CRYBG3: variants seen among roughly 807,000 people sequenced by gnomAD.
The protein encoded by CRYBG3 is crystallin beta-gamma domain containing 3, also known as very large A-kinase anchor protein.
A neutral mutation model predicts 244.2 loss-of-function variants in CRYBG3; 127 were observed. That is an observed-to-expected ratio of 0.52 (90% CI 0.45 to 0.60). The LOEUF is 0.60. Ranked by LOEUF, CRYBG3 falls within the 20% of genes least tolerant of loss-of-function variation. The probability of loss-of-function intolerance (pLI) is 0.00; values close to 1 mark genes in which losing one functional copy is unlikely to be tolerated. For missense variants in CRYBG3, 3,325 were observed against 3,442.5 expected, an observed-to-expected ratio of 0.97 and a Z score of 0.85; for synonymous variants, 1,132 against 1,195.8, an observed-to-expected ratio of 0.95 and a Z score of 1.10.
At chr3:97,915,583 T>C (rs376673971) in intron 16 of CRYBG3, 27 bp from the exon 17 acceptor site, 1 of 1,594,696 alleles carries the variant, frequency 6.3e-7, no homozygotes, top group Non-Finnish European at 8.6e-7. Flanking sequence ...TGCAATTTGA[T>C]TGAATGTCTT....
At chr3:97,890,903 C>T (rs989228533) in intron 10 of CRYBG3, among the ~76,000 whole-genome samples, 1 of 152,148 alleles carries the variant, frequency 6.6e-6, no homozygotes, top group Non-Finnish European at 1.5e-5. Flanking sequence ...AGGAGAAATA[C>T]TATTCCAATC....
chr3:97,834,730 T>C (rs950804893), intron 1 of CRYBG3, among the ~76,000 whole-genome samples: 2 of 152,172 alleles, frequency 1.3e-5, no homozygotes, highest in African/African-American at 2.4e-5. Context: ...TTTTTGGCAA[T>C]GTTGCATATA....
chr3:97,831,085 T>C (rs1340448138), intron 1 of CRYBG3, among the ~76,000 whole-genome samples: 2 of 152,016 alleles, frequency 1.3e-5, no homozygotes, highest in East Asian at 3.9e-4. Context: ...GGGGAAAAAA[T>C]TGATTACCAA....
chr3:97,902,100 G>T (rs550279958), intron 15 of CRYBG3, among the ~76,000 whole-genome samples: 2 of 152,242 alleles, frequency 1.3e-5, no homozygotes, highest in African/African-American at 4.8e-5. Context: ...TCAATAACTA[G>T]AAAGTATTTT....
chr3:97,892,199 G>A (rs1048745979), intron 10 of CRYBG3, among the ~76,000 whole-genome samples: 4 of 152,086 alleles, frequency 2.6e-5, no homozygotes, highest in Non-Finnish European at 5.9e-5. Context: ...GGAGCATAAC[G>A]GTCTTGGTAC....
At position 97,873,936 on chromosome 3, in the gene CRYBG3, T is replaced by A. The variant is rs1371062336; in HGVS notation, c.2742T>A (p.Ala914=). ...KENCQAELSP[A]ASKYEDKPEP... ...ATTGCCAAGCTGAGCTTTCTCCTGC[T>A]GCCTCCAAATATGAAGATAAGCCAG... The change falls in exon 4 of 22, where the codon GCT becomes GCA. Residue 914 remains alanine (A), a synonymous_variant. Coordinates refer to ENST00000389622, the MANE Select transcript of CRYBG3 (RefSeq NM_153605.4). 1 of 1,535,800 alleles carries A rather than the reference T, an allele frequency of 6.5e-7. No homozygotes were observed. The highest frequency in any genetic ancestry group is 1.4e-5 in the African/African-American group (1 of 73,044).
Position 97,838,601 on chromosome 3 carries a change from C to T in CRYBG3, c.150-4594C>T, listed in dbSNP as rs2038768857. ...AGTTCTGAAAGAATGAGGGCAAGGACCTTGTCTGGTTTGTACATTGTGCAA... is the reference window on the plus strand; with the variant it reads ...AGTTCTGAAAGAATGAGGGCAAGGATCTTGTCTGGTTTGTACATTGTGCAA... On this transcript the variant is annotated intron_variant, in intron 1 of 21. Coordinates refer to ENST00000389622, the MANE Select transcript of CRYBG3 (RefSeq NM_153605.4). Among the ~76,000 whole-genome samples, 3 of 152,014 alleles carry T rather than the reference C, an allele frequency of 2.0e-5. No individual in the cohort carries two copies. In the South Asian group the frequency reaches 6.2e-4, roughly 31 times the overall value.
chr3:97,822,020 A>G lies in CRYBG3; in HGVS notation c.-187A>G, dbSNP rs947460712. 1.2e-5 allele frequency: 5 copies of G among 423,198 alleles called. No individual in the cohort carries two copies. The highest frequency in any genetic ancestry group is 1.1e-4 in the South Asian group (1 of 9,482). 26.2% of individuals were successfully genotyped at this position (423,198 alleles called of 1,614,324 possible). A position where few individuals can be genotyped will look rare whatever the true frequency, so the allele number is the denominator to read the frequency against. On this transcript the variant is annotated 5_prime_UTR_variant, in exon 1 of 22. Coordinates refer to ENST00000389622, the MANE Select transcript of CRYBG3 (RefSeq NM_153605.4). ...GAGGAGCAGCCGCAGCGGCGTGAGG[A>G]GCTGCCGCGCGAGGAGCGCGTCGCG...
chr3:97,827,366 A>C lies in CRYBG3; in HGVS notation c.149+5011A>C, dbSNP rs551152896. On this transcript the variant is annotated intron_variant, in intron 1 of 21. Coordinates refer to ENST00000389622, the MANE Select transcript of CRYBG3 (RefSeq NM_153605.4). The stretch of plus-strand genomic sequence containing the variant: ...CTTCAAGTAGGCACTTAGAAACACC[A>C]GGAAGGTTGATGCTGTTAGAGAACA... Among the ~76,000 whole-genome samples, 4 of 152,328 alleles carry C rather than the reference A, an allele frequency of 2.6e-5. No individual in the cohort carries two copies. In the East Asian group the frequency reaches 7.7e-4, roughly 29 times the overall value.
In CRYBG3 at chr3:97,822,240, T is replaced by C. The variant is rs1043005836; in HGVS notation, c.34T>C (p.Trp12Arg). Residue 12 changes from tryptophan to arginine, a missense_variant, in exon 1 of 22, where the codon TGG becomes CGG. Transcript: ENST00000389622. ...SSGRRRGSAP[W>R]HSFSRFFAPR... ...CGGCCGCAGAAGGGGCAGCGCCCCC[T>C]GGCACAGCTTCTCCCGGTTCTTCGC... The C allele has an allele frequency of 4.6e-6, 7 of 1,530,664 alleles. No individual in the cohort carries two copies. Among genetic ancestry groups the C allele is most frequent in the Non-Finnish European group, 4.4e-6 (5 of 1,144,842 alleles). The allele number at this position is 1,530,664 out of a possible 1,614,324, so 94.8% of individuals were successfully genotyped here.
intron 20 of CRYBG3, among the ~76,000 whole-genome samples, chr3:97,941,573 G>T (rs1455570367): frequency 6.6e-6 from 1 of 151,842 alleles, no homozygotes; most frequent in East Asian, 1.9e-4. Flanking sequence ...ACAACCAATG[G>T]TATAAGTCAC....
intron 17 of CRYBG3, chr3:97,924,346 A>G: frequency 2.3e-6 from 1 of 438,670 alleles, no homozygotes; most frequent in Non-Finnish European, 4.5e-6. Context: ...ATAGGAATCT[A>G]CCCTGATGAT....
intron 1 of CRYBG3, among the ~76,000 whole-genome samples, chr3:97,836,120 A>T (rs1460314534): frequency 6.6e-6 from 1 of 152,064 alleles, no homozygotes; most frequent in African/African-American, 2.4e-5. Context: ...CTCAAGGTAG[A>T]TACATAAATT....
chr3:97,938,615 T>C (rs1221836713), intron 19 of CRYBG3, among the ~76,000 whole-genome samples: 2 of 152,012 alleles, frequency 1.3e-5, no homozygotes, highest in Non-Finnish European at 2.9e-5. Flanking sequence ...CTCTGCCATT[T>C]GTAAGCAGTG....
intron 19 of CRYBG3, among the ~76,000 whole-genome samples, chr3:97,938,572 A>G (rs2040189605): frequency 6.6e-6 from 1 of 151,818 alleles, no homozygotes; most frequent in African/African-American, 2.4e-5. Flanking sequence ...TTCTCATCCC[A>G]CCACTCATGA....
In CRYBG3 at chr3:97,921,612, A is replaced by C. The variant is rs188410422; in HGVS notation, c.8241+5876A>C. On this transcript the variant is annotated intron_variant, in intron 17 of 21. Transcript: ENST00000389622. ...TAATAATAGCTTTAGAAGTTGGGGG[A>C]TGGTGGGGAACCTAAGTTGAAAAAA... 1.1e-4 allele frequency among the ~76,000 whole-genome samples: 16 copies of C among 152,196 alleles called. No homozygotes were observed. The East Asian group carries it at 2.9e-3, about 28-fold the overall frequency.
At chr3:97,894,416 T>G (rs1180521190) in intron 11 of CRYBG3, among the ~76,000 whole-genome samples, 1 of 152,172 alleles carries the variant, frequency 6.6e-6, no homozygotes, top group Non-Finnish European at 1.5e-5. Flanking sequence ...GCTGATTATT[T>G]TTTTCACAAC....
At chr3:97,842,135 T>C (rs1203733685) in intron 1 of CRYBG3, among the ~76,000 whole-genome samples, 1 of 152,168 alleles carries the variant, frequency 6.6e-6, no homozygotes, top group Non-Finnish European at 1.5e-5. Context: ...ACGTGCTCAT[T>C]TTTATATCCT....
At chr3:97,942,914 A>G in intron 21 of CRYBG3, 1 of 285,706 alleles carries the variant, frequency 3.5e-6, no homozygotes, top group Non-Finnish European at 6.4e-6. Context: ...TGGTGTAGAA[A>G]CAAAAACACA....
Sources: gnomAD v4.1 joint callset for allele counts (sites outside exome capture counted in the v4.1 genomes callset) on GRCh38, gnomAD v4.1.1 for gene constraint, MANE v1.5 for transcripts, NCBI Gene and HGNC (gene_info 2026-07-23, HGNC 2026-07-21) for gene names.